The following PROS1 variants were observed in gnomAD, a reference collection of about 807,000 sequenced individuals.
The protein encoded by PROS1 is vitamin K-dependent protein S.
Under a neutral mutation model 75.9 loss-of-function variants are expected in PROS1, and 29 were observed. That is an observed-to-expected ratio of 0.38 (90% CI 0.28 to 0.52). The LOEUF (loss-of-function observed/expected upper bound fraction) is 0.52. PROS1 is among the 20% of genes least tolerant of loss of function. The pLI, the probability that PROS1 is intolerant of heterozygous loss-of-function variation, is 0.83. For synonymous variants in PROS1, 245 were observed against 280.6 expected (o/e 0.87, Z 1.27); for missense variants, 680 against 810.3 (o/e 0.84, Z 1.95).
At chr3:93,910,895 A>G (rs1708750492) in intron 3 of PROS1, 190 bp from the exon 4 acceptor site, 2 of 591,376 alleles carry the variant, frequency 3.4e-6, no homozygotes, top group East Asian at 5.9e-5. Flanking sequence ...GCAAGATGGC[A>G]ACAGATACAG....
chr3:93,970,674 A>ATC lies in PROS1; in HGVS notation c.76+2998_76+2999dup, dbSNP rs34165131. Among the ~76,000 whole-genome samples the ATC allele has an allele frequency of 5.3e-5, 8 of 151,980 alleles. No homozygotes were observed. The East Asian group carries it at 7.8e-4, about 15-fold the overall frequency. On this transcript the variant is annotated intron_variant, in intron 1 of 14. Transcript: ENST00000394236. ...ATATATGTTAAATATAGAGATTCTC[A>ATC]TCTCTCTCTCTCATACATATATGTA...
intron 1 of PROS1, among the ~76,000 whole-genome samples, chr3:93,938,259 C>T (rs1285303714): frequency 6.6e-6 from 1 of 152,182 alleles, no homozygotes; most frequent in African/African-American, 2.4e-5. Flanking sequence ...CCCCTGCCAC[C>T]AGAGAACAAC....
chr3:93,899,049 T>C (rs948731306), intron 7 of PROS1, among the ~76,000 whole-genome samples: 1 of 151,860 alleles, frequency 6.6e-6, no homozygotes, highest in African/African-American at 2.4e-5. Context: ...CCCCTTTAAC[T>C]GAAGGTTGAT....
chr3:93,923,677 G>T (rs577796187), intron 3 of PROS1, among the ~76,000 whole-genome samples: 1 of 152,188 alleles, frequency 6.6e-6, no homozygotes, highest in African/African-American at 2.4e-5. Context: ...GAGGAGAGTG[G>T]ACACTTGAGC....
Position 93,884,738 on chromosome 3 carries a change from G to A in PROS1, c.1482C>T (p.His494=), listed in dbSNP as rs1559929522. ...YYPGSGIAQF[H]IDYNNVSSAE... ...TGGAAAATCACTTACTATAATCTAT[G>A]TGAAATTGAGCAATTCCAGAACCAG... is the stretch of plus-strand genomic sequence containing the variant. The change falls in exon 12 of 15, where the codon CAC becomes CAT. Residue 494 remains histidine, a synonymous_variant. Coordinates refer to ENST00000394236, the MANE Select transcript of PROS1 (RefSeq NM_000313.4). 1.9e-6 allele frequency: 3 copies of A among 1,612,772 alleles called. No individual in the cohort carries two copies. Among genetic ancestry groups the A allele is most frequent in the Non-Finnish European group, 2.5e-6 (3 of 1,179,136 alleles).
chr3:93,927,385 T>A lies in PROS1; in HGVS notation c.99A>T (p.Ser33=). 1 of 1,614,194 alleles carries A rather than the reference T, an allele frequency of 6.2e-7. No homozygotes were observed. The highest frequency in any genetic ancestry group is 1.3e-5 in the African/African-American group (1 of 75,064). ...EANFLSKQQA[S]QVLVRKRRAN... ...CACGACGCTTCCTAACCAGGACTTG[T>A]GAAGCCTGTTGCTTTGACAAAACTG... The change falls in exon 2 of 15, where the codon TCA becomes TCT. Residue 33 remains serine (S), a synonymous_variant. Transcript: ENST00000394236.
intron 3 of PROS1, among the ~76,000 whole-genome samples, chr3:93,919,084 T>A (rs2107190225): frequency 6.6e-6 from 1 of 152,288 alleles, no homozygotes; most frequent in East Asian, 1.9e-4. Context: ...CTACCCATGA[T>A]AAGACACTCA....
intron 1 of PROS1, chr3:93,968,032 T>G (rs1184172886): frequency 6.6e-6 from 1 of 152,008 alleles, no homozygotes; most frequent in South Asian, 2.1e-4. Flanking sequence ...TAAAATAAAA[T>G]ACAGCACTAT....
chr3:93,903,904 C>T (rs931987526), intron 6 of PROS1, among the ~76,000 whole-genome samples: 11 of 151,550 alleles, frequency 7.3e-5, no homozygotes, highest in Non-Finnish European at 1.6e-4. Flanking sequence ...CATGCTGGCA[C>T]GCTGCACCCA....
At chr3:93,898,591 C>T in intron 7 of PROS1, 22 bp from the exon 8 acceptor site, 1 of 1,610,754 alleles carries the variant, frequency 6.2e-7, no homozygotes, top group Middle Eastern at 1.7e-4. Context: ...AAAACACACG[C>T]ACACAAACTT....
At chr3:93,920,852 A>T (rs187483212) in intron 3 of PROS1, among the ~76,000 whole-genome samples, 2 of 151,468 alleles carry the variant, frequency 1.3e-5, no homozygotes, top group Admixed American at 1.3e-4. Context: ...ACCCTATCTT[A>T]TTCTTGTTCT....
chr3:93,933,000 C>T (rs1188854565), intron 1 of PROS1, among the ~76,000 whole-genome samples: 1 of 152,182 alleles, frequency 6.6e-6, no homozygotes, highest in African/African-American at 2.4e-5. Context: ...TCCAAAAGCT[C>T]ATCTCTCTTT....
intron 1 of PROS1, among the ~76,000 whole-genome samples, chr3:93,957,149 T>A (rs1341321848): frequency 1.3e-5 from 2 of 152,146 alleles, no homozygotes; most frequent in Non-Finnish European, 2.9e-5. Context: ...AAAGGAAAAT[T>A]ATGTATCTAT....
Position 93,893,134 on chromosome 3 carries a change from A to G in PROS1, c.966-12T>C, listed in dbSNP as rs1192995089. On this transcript the variant is annotated splice_polypyrimidine_tract_variant and intron_variant, in intron 9 of 14. Coordinates refer to ENST00000394236, the MANE Select transcript of PROS1 (RefSeq NM_000313.4). ...ATTCTGCTGAAAATCTAAACAATGG[A>G]CAAAGAGAGATCCTTAAGAGTAAGA... 6.2e-7 allele frequency: 1 copy of G among 1,601,704 alleles called. No homozygotes were observed. Among genetic ancestry groups the G allele is most frequent in the Non-Finnish European group, 8.5e-7 (1 of 1,171,158 alleles).
intron 3 of PROS1, among the ~76,000 whole-genome samples, chr3:93,914,506 G>A (rs1237424656): frequency 2.0e-5 from 3 of 152,180 alleles, no homozygotes; most frequent in Middle Eastern, 3.2e-3. Context: ...GAGTCCCTAG[G>A]TCGTGCAGAG....
At chr3:93,957,170 G>T (rs893119568) in intron 1 of PROS1, among the ~76,000 whole-genome samples, 4 of 152,088 alleles carry the variant, frequency 2.6e-5, no homozygotes, top group Non-Finnish European at 5.9e-5. Context: ...TTTAAAGGGT[G>T]ATATAGACTT....
chr3:93,949,493 A>G (rs1709458720), intron 1 of PROS1, among the ~76,000 whole-genome samples: 1 of 152,176 alleles, frequency 6.6e-6, no homozygotes. Flanking sequence ...GTCTGCATCC[A>G]AAAACACAAT....
intron 1 of PROS1, among the ~76,000 whole-genome samples, chr3:93,972,723 C>T (rs1173533981): frequency 2.0e-5 from 3 of 151,932 alleles, no homozygotes; most frequent in Admixed American, 6.6e-5. Context: ...GAAGCAGGCA[C>T]CTGTAATCCC....
At position 93,925,804 on chromosome 3, in the gene PROS1, C is replaced by T. The variant is rs1280228563; in HGVS notation, c.234+1446G>A. Among the ~76,000 whole-genome samples the T allele has an allele frequency of 3.1e-5, 4 of 128,462 alleles. No homozygotes were observed. The South Asian group carries it at 7.7e-4, about 25-fold the overall frequency. 84.3% of individuals were successfully genotyped at this position (128,462 alleles called of 152,430 possible). On this transcript the variant is annotated intron_variant, in intron 2 of 14. Transcript: ENST00000394236. ...TGCCACTGCACTCTAGCCTGGGCAACAGAGCAAGACCCTGTCTAAAAAAAA... is the reference window on the plus strand; with the variant it reads ...TGCCACTGCACTCTAGCCTGGGCAATAGAGCAAGACCCTGTCTAAAAAAAA...
Sources: gnomAD v4.1 joint callset for allele counts (sites outside exome capture counted in the v4.1 genomes callset) on GRCh38, gnomAD v4.1.1 for gene constraint, MANE v1.5 for transcripts, NCBI Gene and HGNC (gene_info 2026-07-23, HGNC 2026-07-21) for gene names.